The following ARHGEF10 variants were observed in gnomAD, a reference collection of about 807,000 sequenced individuals.
ARHGEF10 encodes the protein Rho guanine nucleotide exchange factor (GEF) 10.
In ARHGEF10, 140 loss-of-function variants were observed where a neutral mutation model predicts 147.4. The observed-to-expected ratio is 0.95, with a 90% confidence interval of 0.83 to 1.09. ARHGEF10 has a LOEUF of 1.09. Ranked by LOEUF, ARHGEF10 falls within the 50% of genes least tolerant of loss-of-function variation. The pLI, the probability that ARHGEF10 is intolerant of heterozygous loss-of-function variation, is 0.00. For synonymous variants in ARHGEF10, 902 were observed against 695.8 expected (o/e 1.30, Z -4.67); for missense variants, 2,222 against 1,752.7 (o/e 1.27, Z -4.78).
chr8:1,824,069 G>T lies in ARHGEF10; in HGVS notation c.-92G>T, dbSNP rs1332676429. 6 of 149,428 alleles carry T rather than the reference G, an allele frequency of 4.0e-5. No homozygotes were observed. The South Asian group carries it at 6.3e-4, about 16-fold the overall frequency. The allele number at this position is 149,428 out of a possible 1,614,324, so 9.3% of individuals were successfully genotyped here. On this transcript the variant is annotated 5_prime_UTR_variant, in exon 1 of 29. Transcript: ENST00000349830. Reference sequence around the variant, plus strand: ...GGGACGGCGGGGAACAGCGGGGGACGGCGGGGAACAGCAGGGGACTGCGGG... The same window carrying T: ...GGGACGGCGGGGAACAGCGGGGGACTGCGGGGAACAGCAGGGGACTGCGGG...
At chr8:1,922,845 C>G (rs912216174) in intron 18 of ARHGEF10, 119 bp from the exon 19 acceptor site, 22 of 703,286 alleles carry the variant, frequency 3.1e-5, no homozygotes, top group African/African-American at 2.2e-4. Flanking sequence ...TTTAAAAGTT[C>G]TAGATTCACC....
At chr8:1,857,838 A>G (rs1805674195) in intron 2 of ARHGEF10, 122 bp from the exon 3 acceptor site, 1 of 923,344 alleles carries the variant, frequency 1.1e-6, no homozygotes, top group South Asian at 1.5e-5. Context: ...AGTACAGCAC[A>G]GAGGAACTTA....
In ARHGEF10 at chr8:1,824,512, C is replaced by A. The variant is rs540606873; in HGVS notation, c.-48+399C>A. 2.6e-5 allele frequency among the ~76,000 whole-genome samples: 4 copies of A among 151,794 alleles called. No individual in the cohort carries two copies. In the South Asian group the frequency reaches 8.3e-4, roughly 31 times the overall value. ...GTCCGCCTCAGGATGCAGAGAAGGA[C>A]CGGTGTAAGGAAAGCCGGCGTCTTT... On this transcript the variant is annotated intron_variant, in intron 1 of 28. Coordinates refer to ENST00000349830, the MANE Select transcript of ARHGEF10 (RefSeq NM_014629.4).
intron 1 of ARHGEF10, among the ~76,000 whole-genome samples, chr8:1,824,402 C>T (rs1368274783): frequency 6.6e-6 from 1 of 151,980 alleles, no homozygotes; most frequent in Non-Finnish European, 1.5e-5. Context: ...GAACTCCGAT[C>T]GGCGGAAGGA....
In ARHGEF10 at chr8:1,956,615, G is replaced by A. The variant is rs1815586498; in HGVS notation, c.3521-134G>A. ...ATTTTCATCGTAGCTTATTATTCAT[G>A]TATGCAAGTTACTTACAGGCTTTGT... On this transcript the variant is annotated intron_variant, in intron 28 of 28. Coordinates refer to ENST00000349830, the MANE Select transcript of ARHGEF10 (RefSeq NM_014629.4). 5.4e-5 allele frequency: 45 copies of A among 838,882 alleles called. No homozygotes were observed. In the South Asian group the frequency reaches 6.3e-4, roughly 12 times the overall value. The allele number at this position is 838,882 out of a possible 1,614,324, so 52.0% of individuals were successfully genotyped here. A position where few individuals can be genotyped will look rare whatever the true frequency, so the allele number is the denominator to read the frequency against.
chr8:1,918,177 G>A (rs192053086), intron 18 of ARHGEF10, among the ~76,000 whole-genome samples: 84 of 152,290 alleles, frequency 5.5e-4, no homozygotes, highest in African/African-American at 1.6e-3. Flanking sequence ...AGCACTGGCC[G>A]CACTGTGTGG....
rs1413615730 is a variant in ARHGEF10, at chr8:1,824,130, C to G, written c.-48+17C>G. On this transcript the variant is annotated intron_variant, in intron 1 of 28. Coordinates refer to ENST00000349830, the MANE Select transcript of ARHGEF10 (RefSeq NM_014629.4). ...GCCGCCGAGGTGAGTGCGGGCCCCGCGGACCGTGGGTCCCCTCGCGGGCTT... is the reference window on the plus strand; with the variant it reads ...GCCGCCGAGGTGAGTGCGGGCCCCGGGGACCGTGGGTCCCCTCGCGGGCTT... The G allele has an allele frequency of 6.6e-6, 1 of 152,136 alleles. No individual in the cohort carries two copies. The highest frequency in any genetic ancestry group is 2.4e-5 in the African/African-American group (1 of 41,410). The allele number at this position is 152,136 out of a possible 1,614,324, so 9.4% of individuals were successfully genotyped here. A position where few individuals can be genotyped will look rare whatever the true frequency, so the allele number is the denominator to read the frequency against.
At position 1,937,680 on chromosome 8, in the gene ARHGEF10, A is replaced by G. The variant is rs905628922; in HGVS notation, c.3222+3738A>G. Among the ~76,000 whole-genome samples, 4 of 152,246 alleles carry G rather than the reference A, an allele frequency of 2.6e-5. No individual in the cohort carries two copies. Among genetic ancestry groups the G allele is most frequent in the Non-Finnish European group, 4.4e-5 (3 of 68,036 alleles). On this transcript the variant is annotated intron_variant, in intron 26 of 28. Transcript: ENST00000349830. This position sits in a 1 kb window ranked among gnomAD's most constrained non-coding sequence, Gnocchi z 4.9. ...GTGGCCAGGGGCTGGGGCAGCCCAC[A>G]GGACCTGAGCCCACAAGATTCGAGC...
intron 1 of ARHGEF10, among the ~76,000 whole-genome samples, chr8:1,836,182 GA>G (rs67708263): frequency 0.61 from 87,700 of 144,764 alleles, 26,100 homozygotes; most frequent in Middle Eastern, 0.74. Context: ...CTCTGCCATG[GA>G]AAAAAAAAAA....
chr8:1,831,545 G>GCCGTGGAGGGACAGTGTGACAT (rs1563146286), intron 1 of ARHGEF10, among the ~76,000 whole-genome samples: 1 of 46,294 alleles, frequency 2.2e-5, no homozygotes, highest in Non-Finnish European at 4.6e-5. Context: ...CAGTGTGACG[G>GCCGTGGAGGGACAGTGTGACAT]CCGTGGAGGG....
chr8:1,859,837 G>A, intron 3 of ARHGEF10, 60 bp from the exon 4 acceptor site: 1 of 1,602,776 alleles, frequency 6.2e-7, no homozygotes, highest in South Asian at 1.1e-5. Context: ...CGCTCCAGGA[G>A]GGCATGCCTG....
At chr8:1,882,521 C>A in intron 9 of ARHGEF10, 114 bp from the exon 10 acceptor site, 1 of 896,782 alleles carries the variant, frequency 1.1e-6, no homozygotes, top group Non-Finnish European at 1.8e-6. Context: ...CTGCACGTGA[C>A]ACATGCGCTC....
chr8:1,888,229 A>G (rs1430564127), intron 11 of ARHGEF10, among the ~76,000 whole-genome samples: 2 of 56,974 alleles, frequency 3.5e-5, no homozygotes, highest in African/African-American at 1.6e-4. Flanking sequence ...TTGCGAGGAG[A>G]CAGTGAGTGT....
At chr8:1,950,238 C>T (rs1259006712) in intron 27 of ARHGEF10, among the ~76,000 whole-genome samples, 2 of 152,242 alleles carry the variant, frequency 1.3e-5, no homozygotes, top group Non-Finnish European at 2.9e-5. Context: ...GGGACACGCC[C>T]TGCTGTCCTG....
chr8:1,910,830 T>C (rs1051801075), intron 18 of ARHGEF10, among the ~76,000 whole-genome samples: 3 of 152,252 alleles, frequency 2.0e-5, no homozygotes, highest in Non-Finnish European at 4.4e-5. Flanking sequence ...AATTTATTCA[T>C]AATTAAGATG....
chr8:1,901,091 T>G (rs1330257161), intron 15 of ARHGEF10, among the ~76,000 whole-genome samples: 1 of 152,052 alleles, frequency 6.6e-6, no homozygotes, highest in Non-Finnish European at 1.5e-5. Flanking sequence ...CAAGGTGGTG[T>G]CTGTGTCTGG....
rs1812924581 is a variant in ARHGEF10 at position 1,929,305 on chromosome 8, A to G, written c.2941A>G (p.Ser981Gly). The change falls in exon 25 of 29, where the codon AGT (serine) becomes GGT (glycine). Residue 981 changes from serine (S) to glycine (G), a missense_variant. By Grantham distance (56) the Ser-to-Gly change is moderately conservative. Coordinates refer to ENST00000349830, the MANE Select transcript of ARHGEF10 (RefSeq NM_014629.4). ...TTAAAGCATTTCCATTTATAAAAGC[A>G]GTCAAGGCTCCAAGAAAGTGAGACT... The part of the protein sequence containing the change: ...EEGSISIYKS[S>G]QGSKKVRLQH... The G allele has an allele frequency of 6.2e-7, 1 of 1,614,148 alleles. No homozygotes were observed. The highest frequency in any genetic ancestry group is 1.7e-5 in the Admixed American group (1 of 60,034).
At chr8:1,903,810 C>G (rs1278537299) in intron 16 of ARHGEF10, 2 of 342,270 alleles carry the variant, frequency 5.8e-6, no homozygotes, top group African/African-American at 4.3e-5. Flanking sequence ...AAAATATTTA[C>G]AGGCTAGGCA....
At chr8:1,861,500 C>T (rs1007236986) in intron 4 of ARHGEF10, among the ~76,000 whole-genome samples, 4 of 152,196 alleles carry the variant, frequency 2.6e-5, no homozygotes, top group Non-Finnish European at 4.4e-5. Context: ...CCCAGGAACG[C>T]GCTGCAGGAT....
Sources: gnomAD v4.1 joint callset for allele counts (sites outside exome capture counted in the v4.1 genomes callset) on GRCh38, gnomAD v4.1.1 for gene constraint, Gnocchi (gnomAD v3.1) non-coding constraint, MANE v1.5 for transcripts, NCBI Gene and HGNC (gene_info 2026-07-23, HGNC 2026-07-21) for gene names.